Variants in NEO1 observed in about 807,000 individuals in gnomAD.
NEO1 encodes neogenin 1.
In NEO1, 63 loss-of-function variants were observed where a neutral mutation model predicts 159.7. The observed-to-expected ratio is 0.39, with a 90% CI of 0.32 to 0.49. NEO1 has a LOEUF of 0.49. NEO1 is among the 20% of genes least tolerant of loss of function. The pLI, the probability that NEO1 is intolerant of heterozygous loss-of-function variation, is 0.85. For missense variants in NEO1, 1,615 were observed against 1,831.0 expected, an observed-to-expected ratio of 0.88 and a Z score of 2.15; for synonymous variants, 633 against 662.0, an observed-to-expected ratio of 0.96 and a Z score of 0.67.
chr15:73,058,602 A>G (rs760937355), intron 1 of NEO1, among the ~76,000 whole-genome samples: 1 of 152,200 alleles, frequency 6.6e-6, no homozygotes, highest in East Asian at 1.9e-4. Flanking sequence ...TGTGGGGGTC[A>G]GGGTTCCATT....
At chr15:73,131,125 A>C (rs2031071081) in intron 4 of NEO1, among the ~76,000 whole-genome samples, 1 of 152,200 alleles carries the variant, frequency 6.6e-6, no homozygotes, top group African/African-American at 2.4e-5. Context: ...AGAAGGATTA[A>C]ATAAGATCCA....
At chr15:73,077,343 T>C (rs1830713629) in intron 1 of NEO1, among the ~76,000 whole-genome samples, 1 of 152,184 alleles carries the variant, frequency 6.6e-6, no homozygotes, top group South Asian at 2.1e-4. Context: ...CGTTTTCAGG[T>C]TGTCATAACT....
Position 73,225,891 on chromosome 15 carries a change from T to C in NEO1, c.1292-10456T>C, listed in dbSNP as rs78707814. On this transcript the variant is annotated intron_variant, in intron 7 of 28. Coordinates refer to ENST00000261908, the MANE Select transcript of NEO1 (RefSeq NM_002499.4). ...GTGTTTTTCCCCACACTCCTCCGGT[T>C]GCCCTCCCAAAGGATCCCTGTGGTG... 8.6e-3 allele frequency among the ~76,000 whole-genome samples: 1,307 copies of C among 152,306 alleles called. 22 individuals are homozygous for C. Among genetic ancestry groups the C allele is most frequent in the African/African-American group, 0.03 (1,235 of 41,566 alleles).
In NEO1 at chr15:73,293,457, C is replaced by T. The variant is rs745705894; in HGVS notation, c.3810C>T (p.Leu1270=). The change falls in exon 26 of 29, where the codon CTC becomes CTT. Residue 1270 remains leucine, a synonymous_variant. Transcript: ENST00000261908. ...NPHHHFHSSS[L]ASPARSHLYH... ...ACCATCATTTCCACTCCAGCAGCCT[C>T]GCTTCTCCAGCTCGCAGTCATCTCT... 74 of 1,614,068 alleles carry T rather than the reference C, an allele frequency of 4.6e-5. No individual in the cohort carries two copies. The highest frequency in any genetic ancestry group is 1.3e-4 in the Admixed American group (8 of 60,004).
At chr15:73,200,760 G>T (rs12324127) in intron 7 of NEO1, among the ~76,000 whole-genome samples, 2 of 144,556 alleles carry the variant, frequency 1.4e-5, no homozygotes, top group African/African-American at 2.5e-5. Context: ...CGGGGCTCAC[G>T]GCAGCCTCGA....
chr15:73,136,097 A>G (rs914259507), intron 5 of NEO1, 70 bp downstream of exon 5: 1 of 1,400,046 alleles, frequency 7.1e-7, no homozygotes, highest in East Asian at 2.4e-5. Flanking sequence ...TTTAAGAAAT[A>G]TTAACATGGG....
At chr15:73,115,283 C>T (rs375859953) in intron 1 of NEO1, among the ~76,000 whole-genome samples, 3 of 152,166 alleles carry the variant, frequency 2.0e-5, no homozygotes, top group African/African-American at 4.8e-5. Flanking sequence ...CCTCATGATC[C>T]ACCCACCTTG....
intron 1 of NEO1, among the ~76,000 whole-genome samples, chr15:73,069,125 A>ATTTTTTTT (rs962027800): frequency 2.8e-5 from 3 of 105,432 alleles, no homozygotes; most frequent in East Asian, 2.5e-4. Context: ...TAATTTTTGT[A>ATTTTTTTT]TTTTTTTTTT....
intron 9 of NEO1, among the ~76,000 whole-genome samples, chr15:73,244,861 A>G (rs569306691): frequency 6.8e-6 from 1 of 146,372 alleles, no homozygotes; most frequent in East Asian, 2.2e-4. Context: ...TAGCTGAGGC[A>G]GGAGAATCAC....
chr15:73,284,736 C>T (rs929316642), intron 23 of NEO1, among the ~76,000 whole-genome samples: 1 of 152,008 alleles, frequency 6.6e-6, no homozygotes, highest in African/African-American at 2.4e-5. Flanking sequence ...CAGGCACCCA[C>T]CACCATGCCT....
intron 5 of NEO1, among the ~76,000 whole-genome samples, chr15:73,166,912 T>G (rs944291237): frequency 6.6e-5 from 10 of 152,000 alleles, no homozygotes; most frequent in Non-Finnish European, 1.3e-4. Flanking sequence ...TAAGAAAATG[T>G]GGCACATATA....
chr15:73,242,987 A>C (rs1356174737), intron 8 of NEO1, among the ~76,000 whole-genome samples: 1 of 152,248 alleles, frequency 6.6e-6, no homozygotes, highest in Non-Finnish European at 1.5e-5. Context: ...CCATGATCAG[A>C]CCAAGTGTCA....
intron 1 of NEO1, among the ~76,000 whole-genome samples, chr15:73,093,801 A>G (rs574174104): frequency 6.6e-6 from 1 of 151,708 alleles, no homozygotes; most frequent in Admixed American, 6.6e-5. Flanking sequence ...CTGGTCTCGA[A>G]CTCCTAAGCT....
chr15:73,202,674 A>G (rs1360193211), intron 7 of NEO1, among the ~76,000 whole-genome samples: 1 of 152,154 alleles, frequency 6.6e-6, no homozygotes, highest in Non-Finnish European at 1.5e-5. Context: ...TATCTTAACT[A>G]TTGTGTGTAT....
At chr15:73,093,450 T>C (rs1436684096) in intron 1 of NEO1, among the ~76,000 whole-genome samples, 1 of 152,230 alleles carries the variant, frequency 6.6e-6, no homozygotes, top group African/African-American at 2.4e-5. Flanking sequence ...TTTTTCTCCA[T>C]TTAAAAATCT....
chr15:73,185,141 G>A (rs12050685), intron 7 of NEO1, among the ~76,000 whole-genome samples: 42,038 of 151,968 alleles, frequency 0.28, 7,389 homozygotes, highest in Non-Finnish European at 0.39. Context: ...AGGAGAGAGC[G>A]ATGAATAAGC....
intron 1 of NEO1, among the ~76,000 whole-genome samples, chr15:73,073,637 CTCCTT>C (rs2151329277): frequency 6.6e-6 from 1 of 152,196 alleles, no homozygotes; most frequent in South Asian, 2.1e-4. Context: ...AGAGAGAACT[CTCCTT>C]TAACGAGAGG....
At position 73,249,194 on chromosome 15, in the gene NEO1, A is replaced by G; in HGVS notation, c.1741A>G (p.Thr581Ala). Reference protein sequence around the residue: ...NYKLYYMEKGTDKEQDVDVSS... With the variant: ...NYKLYYMEKGADKEQDVDVSS... ...TAAATTGTACTACATGGAAAAGGGGACTGATAAAGAACAGGTATGAAGTGA... is the reference window on the plus strand; with the variant it reads ...TAAATTGTACTACATGGAAAAGGGGGCTGATAAAGAACAGGTATGAAGTGA... Residue 581 changes from threonine (T) to alanine (A), a missense_variant, in exon 10 of 29, where the codon ACT (threonine) becomes GCT (alanine). This residue lies in a region of NEO1 where 1,018 missense variants were observed against 1,115.4 expected (regional missense o/e 0.91). Coordinates refer to ENST00000261908, the MANE Select transcript of NEO1 (RefSeq NM_002499.4). The G allele has an allele frequency of 1.2e-6, 2 of 1,614,018 alleles. No individual in the cohort carries two copies. Among genetic ancestry groups the G allele is most frequent in the Non-Finnish European group, 8.5e-7 (1 of 1,179,898 alleles).
intron 16 of NEO1, among the ~76,000 whole-genome samples, chr15:73,269,239 CTT>C (rs2041057961): frequency 6.6e-6 from 1 of 152,166 alleles, no homozygotes; most frequent in Non-Finnish European, 1.5e-5. Context: ...ACAGATAACT[CTT>C]GTCCCAAAAA....
Sources: gnomAD v4.1 joint callset for allele counts (sites outside exome capture counted in the v4.1 genomes callset) on GRCh38, gnomAD v4.1.1 for gene constraint, gnomAD v4.1.1 regional missense constraint, MANE v1.5 for transcripts, NCBI Gene and HGNC (gene_info 2026-07-23, HGNC 2026-07-21) for gene names.